Variants in EIF3A observed in about 807,000 individuals in gnomAD.
EIF3A encodes the protein EIF3, p180 subunit.
Under a neutral mutation model 186.6 loss-of-function variants are expected in EIF3A, and 21 were observed. The observed-to-expected ratio is 0.11, with a 90% CI of 0.08 to 0.16. EIF3A has a LOEUF of 0.16. Ranked by LOEUF, EIF3A falls within the 10% of genes least tolerant of loss-of-function variation. The pLI is 1.00. For synonymous variants in EIF3A, 563 were observed against 584.3 expected (o/e 0.96, Z 0.52); for missense variants, 1,306 against 1,796.3 (o/e 0.73, Z 4.93).
At position 119,050,372 on chromosome 10, in the gene EIF3A, ACAG is replaced by A. The variant is rs574322219; in HGVS notation, c.2473+146_2473+148del. The A allele has an allele frequency of 5.1e-4, 376 of 744,434 alleles. No homozygotes were observed. The South Asian group carries it at 7.2e-3, about 14-fold the overall frequency. 46.1% of individuals were successfully genotyped at this position (744,434 alleles called of 1,614,324 possible). A position where few individuals can be genotyped will look rare whatever the true frequency, so the allele number is the denominator to read the frequency against. On this transcript the variant is annotated intron_variant, in intron 16 of 21. Coordinates refer to ENST00000369144, the MANE Select transcript of EIF3A (RefSeq NM_003750.4). ...GGCAGACGATGTAACAACTTCACAT[ACAG>A]CAAACTGGGTTCTGAGATCCAGTTA...
chr10:119,051,237 C>G lies in EIF3A; in HGVS notation c.2281G>C (p.Val761Leu). ...TGCCGTGCAGCTTTGAGTCGCATTA[C>G]GAATAAATCTCTGTCTTCAAGCATT... ...SRMLEDRDLF[V>L]MRLKAARQSV... Residue 761 changes from valine (V) to leucine (L), a missense_variant, in exon 15 of 22, where the codon GTA (valine) becomes CTA (leucine). Val to Leu is a conservative substitution (Grantham distance 32). This residue lies in a region of EIF3A where 410 missense variants were observed against 473.5 expected (regional missense o/e 0.87). Coordinates refer to ENST00000369144, the MANE Select transcript of EIF3A (RefSeq NM_003750.4). The G allele has an allele frequency of 6.2e-7, 1 of 1,611,544 alleles. No homozygotes were observed. Among genetic ancestry groups the G allele is most frequent in the South Asian group, 1.1e-5 (1 of 90,394 alleles).
At position 119,038,450 on chromosome 10, in the gene EIF3A, G is replaced by C. The variant is rs1261455500; in HGVS notation, c.3527-11C>G. On this transcript the variant is annotated splice_polypyrimidine_tract_variant and intron_variant, in intron 19 of 21. Transcript: ENST00000369144. ...TCTCTCTCCATCCACCTGTTTTTTT[G>C]AAAAAGCAAAACATTTTTAAAATAT... 1.9e-6 allele frequency: 3 copies of C among 1,586,486 alleles called. No individual in the cohort carries two copies. The East Asian group carries it at 6.7e-5, about 35-fold the overall frequency.
At chr10:119,074,276 G>C (rs1462803185) in intron 1 of EIF3A, among the ~76,000 whole-genome samples, 1 of 151,982 alleles carries the variant, frequency 6.6e-6, no homozygotes, top group Non-Finnish European at 1.5e-5. Flanking sequence ...GACCAGCCTG[G>C]CCAATACGGT....
At chr10:119,053,036 C>T (rs1848379350) in intron 14 of EIF3A, among the ~76,000 whole-genome samples, 1 of 152,216 alleles carries the variant, frequency 6.6e-6, no homozygotes, top group Non-Finnish European at 1.5e-5. Flanking sequence ...ATTAATCTCT[C>T]TTATACATCA....
chr10:119,036,573 A>T (rs1848132910), intron 21 of EIF3A, among the ~76,000 whole-genome samples: 1 of 152,202 alleles, frequency 6.6e-6, no homozygotes, highest in Non-Finnish European at 1.5e-5. Context: ...TGGCTGAATG[A>T]AAATTTTATA....
chr10:119,048,669 T>C (rs1275162760), intron 17 of EIF3A, among the ~76,000 whole-genome samples: 1 of 151,056 alleles, frequency 6.6e-6, no homozygotes, highest in African/African-American at 2.4e-5. Context: ...AAATTCACGA[T>C]TCTTTTTTTT....
At chr10:119,041,852 G>A (rs1848212570) in intron 19 of EIF3A, 142 bp downstream of exon 19, 5 of 892,734 alleles carry the variant, frequency 5.6e-6, no homozygotes, top group African/African-American at 5.0e-5. Flanking sequence ...ACTTTTGACA[G>A]CGAAGTCACT....
chr10:119,059,134 C>T, intron 11 of EIF3A, 78 bp downstream of exon 11: 2 of 1,181,460 alleles, frequency 1.7e-6, no homozygotes, highest in South Asian at 2.7e-5. Flanking sequence ...TTGTCTCAAA[C>T]CTTTTTGTAA....
intron 5 of EIF3A, among the ~76,000 whole-genome samples, chr10:119,070,391 A>G (rs1844052566): frequency 6.6e-6 from 1 of 152,236 alleles, no homozygotes; most frequent in Non-Finnish European, 1.5e-5. Flanking sequence ...AATCAGTAGT[A>G]AAGGATTCGG....
chr10:119,041,893 C>T (rs1848212928), intron 19 of EIF3A, 101 bp downstream of exon 19: 2 of 1,272,186 alleles, frequency 1.6e-6, no homozygotes, highest in Admixed American at 4.5e-5. Context: ...GATGAAAGAC[C>T]AGTTTATCTG....
chr10:119,034,420 C>A lies in EIF3A; in HGVS notation c.*1619G>T, dbSNP rs1188989311. ...GATGTCACACATACAGATCTACTCT[C>A]CAGGAAGCAAACTCTTAGCAAGTTA... On this transcript the variant is annotated 3_prime_UTR_variant, in exon 22 of 22. Transcript: ENST00000369144. 1 of 152,944 alleles carries A rather than the reference C, an allele frequency of 6.5e-6. No homozygotes were observed. The highest frequency in any genetic ancestry group is 1.5e-5 in the Non-Finnish European group (1 of 68,036). 9.5% of individuals were successfully genotyped at this position (152,944 alleles called of 1,614,324 possible).
At chr10:119,044,024 A>G in intron 18 of EIF3A, 30 bp downstream of exon 18, 1 of 1,465,492 alleles carries the variant, frequency 6.8e-7, no homozygotes, top group Non-Finnish European at 9.6e-7. Flanking sequence ...CAGGAACTGG[A>G]GCGGCATTAT....
chr10:119,075,662 A>G (rs1157474748), intron 1 of EIF3A, among the ~76,000 whole-genome samples: 13 of 140,374 alleles, frequency 9.3e-5, no homozygotes, highest in African/African-American at 2.8e-4. Flanking sequence ...ATATATATAT[A>G]TATATCTCCT....
intron 6 of EIF3A, among the ~76,000 whole-genome samples, chr10:119,067,866 A>T (rs1844005767): frequency 6.6e-6 from 1 of 151,800 alleles, no homozygotes; most frequent in African/African-American, 2.4e-5. Context: ...GCTGGAGTGC[A>T]GTGGCACAAT....
chr10:119,062,121 T>C (rs1390140422), intron 7 of EIF3A, among the ~76,000 whole-genome samples: 3 of 152,126 alleles, frequency 2.0e-5, no homozygotes, highest in African/African-American at 7.2e-5. Flanking sequence ...TTCCTCCTTA[T>C]AAGCATCCAT....
chr10:119,045,105 C>T (rs1219185999), intron 17 of EIF3A, among the ~76,000 whole-genome samples: 4 of 151,738 alleles, frequency 2.6e-5, no homozygotes, highest in East Asian at 1.9e-4. Flanking sequence ...CCTCCATGCC[C>T]GACTAATTTT....
chr10:119,071,167 G>A (rs1309453729), intron 4 of EIF3A, 82 bp from the exon 5 acceptor site: 1 of 1,003,318 alleles, frequency 1.0e-6, no homozygotes, highest in Admixed American at 2.0e-5. Context: ...CACACATTAA[G>A]ATCAGTTGTT....
Position 119,058,065 on chromosome 10 carries a change from C to T in EIF3A, c.1868G>A (p.Arg623His). 1 of 1,614,142 alleles carries T rather than the reference C, an allele frequency of 6.2e-7. No individual in the cohort carries two copies. Residue 623 changes from arginine to histidine, a missense_variant, in exon 12 of 22, where the codon CGT (arginine) becomes CAT (histidine). By Grantham distance (29) the Arg-to-His change is conservative (BLOSUM62 0). Coordinates refer to ENST00000369144, the MANE Select transcript of EIF3A (RefSeq NM_003750.4). ...GATTTGTTCATGTTCCTGTAAGATACGCTCCTTCTCTCTCTCCTTTGCTTC... is the reference window on the plus strand; with the variant it reads ...GATTTGTTCATGTTCCTGTAAGATATGCTCCTTCTCTCTCTCCTTTGCTTC... Reference protein sequence around the residue: ...RQEAKEREKERILQEHEQIKK... With the variant: ...RQEAKEREKEHILQEHEQIKK...
At chr10:119,041,043 TG>T (rs1453117424) in intron 19 of EIF3A, among the ~76,000 whole-genome samples, 1 of 142,938 alleles carries the variant, frequency 7.0e-6, no homozygotes, top group Non-Finnish European at 1.5e-5. Context: ...CCATGCATGG[TG>T]GCATGTGCCT....
Sources: allele counts gnomAD v4.1 joint callset (sites outside exome capture counted in the v4.1 genomes callset), GRCh38; gene constraint gnomAD v4.1.1; regional missense constraint gnomAD v4.1.1; transcripts MANE v1.5; gene names NCBI Gene and HGNC (gene_info 2026-07-23, HGNC 2026-07-21).